Variants in HEATR5A observed in about 807,000 individuals in gnomAD.
HEATR5A encodes the protein HEAT repeat containing 5A, also known as HEAT repeat-containing protein 5A.
In HEATR5A, 178 loss-of-function variants were observed where a neutral mutation model predicts 218.8. The observed-to-expected ratio is 0.81, with a 90% confidence interval of 0.72 to 0.92. The LOEUF (loss-of-function observed/expected upper bound fraction) is 0.92. HEATR5A is among the 40% of genes least tolerant of loss of function. HEATR5A has a pLI of 0.00. For missense variants in HEATR5A, 2,420 were observed against 2,418.9 expected (o/e 1.00, Z -0.01); for synonymous variants, 864 against 871.6 (o/e 0.99, Z 0.15).
chr14:31,370,966 C>A (rs1043593257), intron 13 of HEATR5A, among the ~76,000 whole-genome samples: 1 of 152,134 alleles, frequency 6.6e-6, no homozygotes, highest in Non-Finnish European at 1.5e-5. Context: ...AAGGAAGGCA[C>A]AAAGAATGGT....
In HEATR5A at chr14:31,345,797, A is replaced by G. The variant is rs74495992; in HGVS notation, c.2869-521T>C. ...TAGTTAACTAGAAGACAGTATGAGA[A>G]GTGTGTATGGGGTATTGATAATGGA... On this transcript the variant is annotated intron_variant, in intron 19 of 35. Transcript: ENST00000543095. 4.1e-3 allele frequency among the ~76,000 whole-genome samples: 631 copies of G among 152,252 alleles called. 3 individuals carry two copies. Among genetic ancestry groups the G allele is most frequent in the African/African-American group, 0.014 (573 of 41,546 alleles).
chr14:31,325,484 A>G (rs79571457), intron 23 of HEATR5A, among the ~76,000 whole-genome samples: 166 of 142,280 alleles, frequency 1.2e-3, no homozygotes, highest in African/African-American at 4.4e-3. Flanking sequence ...ATGTATGAAC[A>G]TATGTATGTA....
rs567217496 is a variant in HEATR5A at position 31,367,569 on chromosome 14, A to ATTTTT, written c.1962-3276_1962-3272dup. 1.7e-3 allele frequency among the ~76,000 whole-genome samples: 102 copies of ATTTTT among 60,308 alleles called. 11 individuals carry two copies. The highest frequency in any genetic ancestry group is 3.5e-3 in the East Asian group (6 of 1,700). The allele number at this position is 60,308 out of a possible 152,430, so 39.6% of individuals were successfully genotyped here. On this transcript the variant is annotated intron_variant, in intron 13 of 35. Coordinates refer to ENST00000543095, the MANE Select transcript of HEATR5A (RefSeq NM_015473.4). ...CATGTGCCACCACTATGCCCAGCTA[A>ATTTTT]TTTTTTTTTTTTTTTTTTTTTTTTT...
At chr14:31,353,542 C>T (rs1412553748) in intron 16 of HEATR5A, among the ~76,000 whole-genome samples, 1 of 151,956 alleles carries the variant, frequency 6.6e-6, no homozygotes, top group East Asian at 1.9e-4. Flanking sequence ...TCGAGACCAG[C>T]CTAGGCAACA....
intron 10 of HEATR5A, among the ~76,000 whole-genome samples, chr14:31,383,168 G>T (rs978522117): frequency 2.6e-5 from 4 of 152,030 alleles, no homozygotes; most frequent in Non-Finnish European, 5.9e-5. Flanking sequence ...TAACGTATGG[G>T]ACTTTTACTT....
chr14:31,411,194 G>T (rs962884840), intron 1 of HEATR5A, among the ~76,000 whole-genome samples: 2 of 151,990 alleles, frequency 1.3e-5, no homozygotes, highest in Non-Finnish European at 2.9e-5. Context: ...AAAACCATTT[G>T]ACAAAAACAT....
chr14:31,353,444 T>C (rs919790406), intron 16 of HEATR5A, among the ~76,000 whole-genome samples: 11 of 152,302 alleles, frequency 7.2e-5, no homozygotes, highest in African/African-American at 2.2e-4. Context: ...GCTAAGTATC[T>C]TGCATATGAA....
At chr14:31,296,345 A>G in intron 33 of HEATR5A, 1 of 294,694 alleles carries the variant, frequency 3.4e-6, no homozygotes, top group Non-Finnish European at 6.4e-6. Flanking sequence ...GACTTTGGAC[A>G]TCTAACTCCA....
At chr14:31,366,726 G>T (rs1901818056) in intron 13 of HEATR5A, among the ~76,000 whole-genome samples, 1 of 152,090 alleles carries the variant, frequency 6.6e-6, no homozygotes, top group Non-Finnish European at 1.5e-5. Context: ...CAGCCCCTAT[G>T]CCAATAAAAG....
intron 1 of HEATR5A, among the ~76,000 whole-genome samples, chr14:31,410,057 T>C (rs2031221579): frequency 6.6e-6 from 1 of 152,182 alleles, no homozygotes; most frequent in South Asian, 2.1e-4. Context: ...GTTTATTGGA[T>C]TGGTTTGTTA....
chr14:31,318,508 A>G (rs577024226), intron 25 of HEATR5A, among the ~76,000 whole-genome samples: 1 of 151,822 alleles, frequency 6.6e-6, no homozygotes, highest in South Asian at 2.1e-4. Flanking sequence ...TTTTTTTGAG[A>G]CGGAGTCTCG....
At chr14:31,326,551 G>A in intron 22 of HEATR5A, among the ~76,000 whole-genome samples, 1 of 152,054 alleles carries the variant, frequency 6.6e-6, no homozygotes, top group East Asian at 1.9e-4. Flanking sequence ...TTTATGTAAT[G>A]TCACTGAAAA....
chr14:31,406,205 T>C (rs2031054762), intron 1 of HEATR5A, among the ~76,000 whole-genome samples: 2 of 152,220 alleles, frequency 1.3e-5, no homozygotes, highest in African/African-American at 4.8e-5. Context: ...GAAATGCTTA[T>C]TTTTCTAATT....
intron 7 of HEATR5A, 38 bp downstream of exon 7, chr14:31,388,807 G>A: frequency 6.4e-7 from 1 of 1,562,354 alleles, no homozygotes; most frequent in Non-Finnish European, 8.8e-7. Flanking sequence ...TTATAGGCCA[G>A]TAAGAGTTAG....
intron 32 of HEATR5A, among the ~76,000 whole-genome samples, chr14:31,303,447 CAA>C (rs925729544): frequency 6.6e-6 from 1 of 151,396 alleles, no homozygotes; most frequent in Admixed American, 6.6e-5. Flanking sequence ...AACAAACAAA[CAA>C]AAAACAAAAA....
rs80171038 is a variant in HEATR5A, at chr14:31,302,729, G to A, written c.5240-210C>T. 3,992 of 500,756 alleles carry A rather than the reference G, an allele frequency of 8.0e-3. 117 individuals are homozygous for A. Among genetic ancestry groups the A allele is most frequent in the African/African-American group, 0.069 (3,541 of 51,686 alleles). The allele number at this position is 500,756 out of a possible 1,614,324, so 31.0% of individuals were successfully genotyped here. On this transcript the variant is annotated intron_variant, in intron 32 of 35. Coordinates refer to ENST00000543095, the MANE Select transcript of HEATR5A (RefSeq NM_015473.4). ...CTTGATGGTTATAACTGGAGATTAC[G>A]TTTAAATAAATTGTGTGAGTATCAT...
At position 31,400,516 on chromosome 14, in the gene HEATR5A, GA is replaced by G. The variant is rs2030831172; in HGVS notation, c.127-5del. 6.6e-7 allele frequency: 1 copy of G among 1,510,432 alleles called. No homozygotes were observed. Among genetic ancestry groups the G allele is most frequent in the African/African-American group, 1.4e-5 (1 of 72,300 alleles). The allele number at this position is 1,510,432 out of a possible 1,614,324, so 93.6% of individuals were successfully genotyped here. A position where few individuals can be genotyped will look rare whatever the true frequency, so the allele number is the denominator to read the frequency against. ...TCTGTTTCTCCCTTACATCATTCTA[GA>G]AAGAAAGATAACACAAAGACAATTC... On this transcript the variant is annotated splice_region_variant and splice_polypyrimidine_tract_variant and intron_variant, in intron 2 of 35. Transcript: ENST00000543095.
rs566007844 is a variant in HEATR5A, at chr14:31,399,339, A to T, written c.339-558T>A. The stretch of plus-strand genomic sequence containing the variant: ...CTCTACTATTCAGCCCAAAGATTAC[A>T]CACCCTCAAGTTTGTTACAAAATTC... On this transcript the variant is annotated intron_variant, in intron 3 of 35. Coordinates refer to ENST00000543095, the MANE Select transcript of HEATR5A (RefSeq NM_015473.4). 5.9e-5 allele frequency among the ~76,000 whole-genome samples: 9 copies of T among 152,358 alleles called. No homozygotes were observed. In the South Asian group the frequency reaches 1.7e-3, roughly 28 times the overall value.
chr14:31,350,163 A>G (rs1844850222), intron 17 of HEATR5A, among the ~76,000 whole-genome samples, 184 bp from the exon 18 acceptor site: 1 of 152,180 alleles, frequency 6.6e-6, no homozygotes. Flanking sequence ...TTTACAAAGC[A>G]CTTTAGAATT....
Sources: gnomAD v4.1 joint callset for allele counts (sites outside exome capture counted in the v4.1 genomes callset) on GRCh38, gnomAD v4.1.1 for gene constraint, MANE v1.5 for transcripts, NCBI Gene and HGNC (gene_info 2026-07-23, HGNC 2026-07-21) for gene names.